Variants in DTNB observed in about 807,000 individuals in gnomAD.
DTNB encodes dystrobrevin beta.
A neutral mutation model predicts 90.7 loss-of-function variants in DTNB; 63 were observed. The observed-to-expected ratio is 0.69, with a 90% confidence interval of 0.57 to 0.86. DTNB has a LOEUF of 0.86. Ranked by LOEUF, DTNB falls within the 40% of genes least tolerant of loss-of-function variation. DTNB has a pLI of 0.00. For synonymous variants in DTNB, 277 were observed against 286.7 expected (o/e 0.97, Z 0.34); for missense variants, 744 against 807.1 (o/e 0.92, Z 0.95).
rs1268379349 is a variant in DTNB, at chr2:25,671,078, GC to G, written c.-2+2307del. 6.6e-4 allele frequency among the ~76,000 whole-genome samples: 101 copies of G among 152,270 alleles called. 3 individuals are homozygous for G. The highest frequency in any genetic ancestry group is 1.6e-4 in the Non-Finnish European group (11 of 68,016). ...ATAAAGTGCAAGAGTAGTGATGCTG[GC>G]AATTGGGATATGCCACAGAGAAGCC... On this transcript the variant is annotated intron_variant, in intron 1 of 20. Coordinates refer to ENST00000406818, the MANE Select transcript of DTNB (RefSeq NM_021907.5).
In DTNB at chr2:25,424,222, T is replaced by C. The variant is rs1216066127; in HGVS notation, c.1554+3313A>G. ...TGTTTGCAAATTCTTCCTCCCAGTC[T>C]GAACAGCCTTAGCCTGTCAGACGGG... On this transcript the variant is annotated intron_variant, in intron 15 of 20. Transcript: ENST00000406818. This position sits in a 1 kb window ranked among gnomAD's most constrained non-coding sequence, Gnocchi z 4.1. Among the ~76,000 whole-genome samples the C allele has an allele frequency of 1.3e-5, 2 of 152,246 alleles. No homozygotes were observed. Among genetic ancestry groups the C allele is most frequent in the East Asian group, 3.8e-4 (2 of 5,204 alleles).
intron 10 of DTNB, among the ~76,000 whole-genome samples, chr2:25,479,063 C>T (rs1341376976): frequency 2.0e-5 from 3 of 152,168 alleles, no homozygotes; most frequent in South Asian, 2.1e-4. Flanking sequence ...TTTTAAGGTT[C>T]GATTTTAATA....
At chr2:25,527,947 C>T (rs2077471517) in intron 9 of DTNB, among the ~76,000 whole-genome samples, 1 of 152,116 alleles carries the variant, frequency 6.6e-6, no homozygotes, top group Admixed American at 6.5e-5. Context: ...ATAAAAATAA[C>T]CCCCAAATCT....
intron 4 of DTNB, among the ~76,000 whole-genome samples, chr2:25,625,045 C>T (rs2073813195): frequency 6.6e-6 from 1 of 152,194 alleles, no homozygotes; most frequent in Admixed American, 6.5e-5. Flanking sequence ...CTATTTGTTC[C>T]TGACCGTTGT....
intron 1 of DTNB, among the ~76,000 whole-genome samples, chr2:25,662,049 G>A (rs201866360): frequency 2.0e-5 from 3 of 151,962 alleles, no homozygotes; most frequent in East Asian, 1.9e-4. Context: ...CCAGCTACTC[G>A]GGAGGCTGAG....
chr2:25,547,795 CT>C (rs1368576214), intron 8 of DTNB, among the ~76,000 whole-genome samples: 20 of 152,230 alleles, frequency 1.3e-4, no homozygotes, highest in Admixed American at 1.2e-3. Flanking sequence ...AGGCTTGATG[CT>C]TTCTTTGGAA....
At chr2:25,392,890 T>C (rs899450325) in intron 16 of DTNB, among the ~76,000 whole-genome samples, 2 of 152,190 alleles carry the variant, frequency 1.3e-5, no homozygotes, top group African/African-American at 4.8e-5. Flanking sequence ...GCGTAAATCA[T>C]TCTACGAAGC....
At chr2:25,664,944 G>A (rs2084070195) in intron 1 of DTNB, among the ~76,000 whole-genome samples, 1 of 152,222 alleles carries the variant, frequency 6.6e-6, no homozygotes, top group Admixed American at 6.5e-5. Flanking sequence ...CAAAACTGTG[G>A]TGCTGGATCA....
At chr2:25,419,941 A>T (rs929417604) in intron 15 of DTNB, among the ~76,000 whole-genome samples, 19 of 152,208 alleles carry the variant, frequency 1.2e-4, no homozygotes. Flanking sequence ...CGATATTCAC[A>T]TGTGTTTAGG....
intron 8 of DTNB, among the ~76,000 whole-genome samples, chr2:25,571,252 T>C (rs184082973): frequency 1.3e-5 from 2 of 152,334 alleles, no homozygotes; most frequent in African/African-American, 4.8e-5. Context: ...TCATTAGAAT[T>C]TCTCCTAAAT....
At chr2:25,511,092 T>A (rs1428235501) in intron 9 of DTNB, among the ~76,000 whole-genome samples, 1 of 152,206 alleles carries the variant, frequency 6.6e-6, no homozygotes, top group Non-Finnish European at 1.5e-5. Flanking sequence ...GACAACTTGG[T>A]AAATGTGAGA....
At chr2:25,516,719 G>A (rs984876238) in intron 9 of DTNB, among the ~76,000 whole-genome samples, 1 of 151,596 alleles carries the variant, frequency 6.6e-6, no homozygotes, top group Non-Finnish European at 1.5e-5. Context: ...GTGAAACCCC[G>A]TCTCTACTAA....
intron 4 of DTNB, among the ~76,000 whole-genome samples, chr2:25,624,718 A>C (rs996419207): frequency 1.3e-5 from 2 of 152,246 alleles, no homozygotes; most frequent in South Asian, 2.1e-4. Flanking sequence ...TAGAAGAGTA[A>C]GGAAGACCTC....
At chr2:25,406,412 G>A (rs2045188017) in intron 16 of DTNB, among the ~76,000 whole-genome samples, 4 of 152,062 alleles carry the variant, frequency 2.6e-5, no homozygotes, top group South Asian at 2.1e-4. Context: ...GTGCATGCCT[G>A]TAATTCCAGC....
intron 12 of DTNB, among the ~76,000 whole-genome samples, chr2:25,444,648 CA>C (rs1046174580): frequency 3.3e-5 from 5 of 152,068 alleles, no homozygotes; most frequent in African/African-American, 1.2e-4. Context: ...GAGGTTTCTG[CA>C]GCCCCGCTCC....
chr2:25,536,372 T>C (rs1025797497), intron 8 of DTNB, among the ~76,000 whole-genome samples: 2 of 152,088 alleles, frequency 1.3e-5, no homozygotes, highest in Admixed American at 1.3e-4. Context: ...GTGGAGGTTG[T>C]AGCGAGCCGA....
chr2:25,433,852 C>G (rs759998997), intron 13 of DTNB, 58 bp downstream of exon 13: 23 of 1,581,130 alleles, frequency 1.5e-5, no homozygotes, highest in Non-Finnish European at 1.9e-5. Flanking sequence ...AAATGAGAAT[C>G]AGATACGCAC....
chr2:25,402,429 G>A (rs918537303), intron 16 of DTNB, among the ~76,000 whole-genome samples: 53 of 152,206 alleles, frequency 3.5e-4, no homozygotes, highest in African/African-American at 1.2e-3. Flanking sequence ...TAAGTGCTGC[G>A]GAGTCTTTTA....
At chr2:25,530,694 A>G (rs2078002491) in intron 9 of DTNB, among the ~76,000 whole-genome samples, 1 of 152,254 alleles carries the variant, frequency 6.6e-6, no homozygotes, top group Non-Finnish European at 1.5e-5. Context: ...AAGATTCTCT[A>G]GAGCTCATTT....
Sources: gnomAD v4.1 joint callset for allele counts (sites outside exome capture counted in the v4.1 genomes callset) on GRCh38, gnomAD v4.1.1 for gene constraint, Gnocchi (gnomAD v3.1) non-coding constraint, MANE v1.5 for transcripts, NCBI Gene and HGNC (gene_info 2026-07-23, HGNC 2026-07-21) for gene names.